The following ALPK1 variants were observed in gnomAD, a reference collection of about 807,000 sequenced individuals.
ALPK1 encodes the protein alpha kinase 1, also known as alpha-protein kinase 1.
A neutral mutation model predicts 120.6 loss-of-function variants in ALPK1; 110 were observed. That is an observed-to-expected ratio of 0.91 (90% CI 0.78 to 1.07). The LOEUF is 1.07. Among genes scored for constraint, ALPK1 ranks in the 50% least tolerant of loss-of-function variants. ALPK1 has a pLI of 0.00. For missense variants in ALPK1, 1,498 were observed against 1,483.9 expected (o/e 1.01, Z -0.16); for synonymous variants, 582 against 560.3 (o/e 1.04, Z -0.55).
At chr4:112,329,179 G>A (rs6822694) in intron 2 of ALPK1, among the ~76,000 whole-genome samples, 33,083 of 152,130 alleles carry the variant, frequency 0.22, 3,808 homozygotes, top group Middle Eastern at 0.31. Context: ...AGGCAGGAAG[G>A]AGGAAAAATC....
chr4:112,348,709 C>G (rs1730199549), intron 2 of ALPK1, among the ~76,000 whole-genome samples: 1 of 152,232 alleles, frequency 6.6e-6, no homozygotes, highest in South Asian at 2.1e-4. Context: ...CTGCCAAGAC[C>G]CATCGGCTGC....
chr4:112,343,943 A>G (rs1232248226), intron 2 of ALPK1, among the ~76,000 whole-genome samples: 1 of 152,208 alleles, frequency 6.6e-6, no homozygotes, highest in African/African-American at 2.4e-5. Flanking sequence ...CAGAGGTCGC[A>G]GGCGAGATTT....
Position 112,376,956 on chromosome 4 carries a change from TGTTA to T in ALPK1, c.-100-719_-100-716del, listed in dbSNP as rs1337545162. ...ATTTGTCAGGCATTTTTTTTTGCGC[TGTTA>T]GTAAGTTATTTCATTCTTGAAATTA... On this transcript the variant is annotated intron_variant, in intron 2 of 15. Coordinates refer to ENST00000650871, the MANE Select transcript of ALPK1 (RefSeq NM_025144.4). 2.6e-5 allele frequency among the ~76,000 whole-genome samples: 4 copies of T among 152,330 alleles called. No individual in the cohort carries two copies. The East Asian group carries it at 5.8e-4, about 22-fold the overall frequency.
At chr4:112,301,177 A>G (rs1727773087) in intron 1 of ALPK1, among the ~76,000 whole-genome samples, 1 of 152,226 alleles carries the variant, frequency 6.6e-6, no homozygotes, top group African/African-American at 2.4e-5. Context: ...ATTACCGAGA[A>G]ATTTTCTTCC....
intron 2 of ALPK1, among the ~76,000 whole-genome samples, chr4:112,368,768 G>C (rs1287279155): frequency 6.6e-6 from 1 of 152,116 alleles, no homozygotes; most frequent in Non-Finnish European, 1.5e-5. Context: ...CAATTTTCCT[G>C]GGAGGTGAGG....
chr4:112,423,964 T>TA lies in ALPK1; in HGVS notation c.497dup (p.Tyr166Ter), dbSNP rs1240065207. The TA allele has an allele frequency of 1.2e-6, 2 of 1,613,972 alleles. No homozygotes were observed. The highest frequency in any genetic ancestry group is 1.7e-4 in the Middle Eastern group (1 of 6,060). ...VNSGKLLKAEYILSSLISNNG... is the reference protein window; with the variant it reads ...VNSGKLLKAE ...TTCAGGAAAACTTTTAAAAGCAGAG[T>TA]ATATTCTGAGCAGTCTAATAAGCAA... Residue 166 changes from tyrosine to a stop codon, truncating the protein, a stop_gained and frameshift_variant, in exon 6 of 16, where the codon TAT becomes TAAT. Coordinates refer to ENST00000650871, the MANE Select transcript of ALPK1 (RefSeq NM_025144.4). LOFTEE classifies it high-confidence loss of function.
intron 2 of ALPK1, among the ~76,000 whole-genome samples, chr4:112,320,137 T>C (rs1464093475): frequency 1.3e-5 from 2 of 152,248 alleles, no homozygotes; most frequent in East Asian, 1.9e-4. Context: ...TCAGGGGGAA[T>C]GCTTTCAACT....
chr4:112,312,462 C>T (rs1296013558), intron 1 of ALPK1, among the ~76,000 whole-genome samples: 3 of 152,122 alleles, frequency 2.0e-5, no homozygotes, highest in African/African-American at 7.2e-5. Flanking sequence ...TTGGTAGAGA[C>T]GGGGTTTCAC....
chr4:112,397,012 G>C (rs1732681529), intron 4 of ALPK1, among the ~76,000 whole-genome samples: 1 of 152,106 alleles, frequency 6.6e-6, no homozygotes. Flanking sequence ...CCTGAGCTCA[G>C]ACAATCCTCC....
At position 112,424,256 on chromosome 4, in the gene ALPK1, T is replaced by C. The variant is rs554337880; in HGVS notation, c.535+253T>C. On this transcript the variant is annotated intron_variant, in intron 6 of 15. Transcript: ENST00000650871. ...TATTGGCCTGCTTCCTTACAGAGTATGCTATCTAATGAACAATCACTGTCA... is the reference window on the plus strand; with the variant it reads ...TATTGGCCTGCTTCCTTACAGAGTACGCTATCTAATGAACAATCACTGTCA... Among the ~76,000 whole-genome samples the C allele has an allele frequency of 6.2e-4, 94 of 151,474 alleles. 1 individual carries two copies. In the Middle Eastern group the frequency reaches 0.031, roughly 50 times the overall value.
chr4:112,347,684 T>C (rs1488835888), intron 2 of ALPK1, among the ~76,000 whole-genome samples: 2 of 152,230 alleles, frequency 1.3e-5, no homozygotes, highest in African/African-American at 2.4e-5. Context: ...ATACCAAATA[T>C]GTATACAACA....
rs1734587563 is a variant in ALPK1 at position 112,432,116 on chromosome 4, C to T, written c.2569C>T (p.Leu857=). ...CTCCACAGTGGATGAGGAGGGGCAACTGCTCGACAGCATGGATGTTCCCTG... is the reference window on the plus strand; with the variant it reads ...CTCCACAGTGGATGAGGAGGGGCAATTGCTCGACAGCATGGATGTTCCCTG... ...DASTVDEEGQ[L]LDSMDVPCTN... Residue 857 remains leucine (L), a synonymous_variant, in exon 11 of 16, where the codon CTG becomes TTG. Coordinates refer to ENST00000650871, the MANE Select transcript of ALPK1 (RefSeq NM_025144.4). 1 of 1,614,102 alleles carries T rather than the reference C, an allele frequency of 6.2e-7. No individual in the cohort carries two copies. The highest frequency in any genetic ancestry group is 1.3e-5 in the African/African-American group (1 of 74,940).
chr4:112,401,103 C>T (rs947770463), intron 4 of ALPK1, among the ~76,000 whole-genome samples: 9 of 152,128 alleles, frequency 5.9e-5, no homozygotes, highest in South Asian at 2.1e-4. Flanking sequence ...GCCATCTGGG[C>T]GTCTGGACTT....
intron 5 of ALPK1, chr4:112,414,241 A>G: frequency 2.1e-6 from 1 of 485,148 alleles, no homozygotes; most frequent in African/African-American, 2.0e-5. Flanking sequence ...CATCTGATCC[A>G]GCGCTTCCTG....
intron 2 of ALPK1, chr4:112,359,369 G>T: frequency 2.7e-6 from 1 of 368,530 alleles, no homozygotes; most frequent in East Asian, 5.7e-5. Flanking sequence ...ACCTGGACAA[G>T]GTGCTGGCCC....
Position 112,441,241 on chromosome 4 carries a change from G to A in ALPK1, c.*31G>A. 2.1e-6 allele frequency: 3 copies of A among 1,435,790 alleles called. No individual in the cohort carries two copies. Among genetic ancestry groups the A allele is most frequent in the Non-Finnish European group, 2.9e-6 (3 of 1,017,596 alleles). The allele number at this position is 1,435,790 out of a possible 1,614,324, so 88.9% of individuals were successfully genotyped here. A position where few individuals can be genotyped will look rare whatever the true frequency, so the allele number is the denominator to read the frequency against. On this transcript the variant is annotated 3_prime_UTR_variant, in exon 16 of 16. Transcript: ENST00000650871. ...GGCACAGTCTGGTCCTTTGGGGCTTGGGCAGGGCCGTGACACAGGTTCTGG... is the reference window on the plus strand; with the variant it reads ...GGCACAGTCTGGTCCTTTGGGGCTTAGGCAGGGCCGTGACACAGGTTCTGG...
At chr4:112,405,012 T>C (rs760893203) in intron 4 of ALPK1, among the ~76,000 whole-genome samples, 20 of 152,324 alleles carry the variant, frequency 1.3e-4, no homozygotes, top group Middle Eastern at 6.8e-3. Flanking sequence ...AAATGCTTCC[T>C]ATGTTCATTT....
intron 3 of ALPK1, among the ~76,000 whole-genome samples, chr4:112,380,697 A>G (rs902789258): frequency 1.3e-5 from 2 of 151,944 alleles, no homozygotes; most frequent in African/African-American, 4.8e-5. Flanking sequence ...TGTCTTTTTT[A>G]TAGATGATAT....
At chr4:112,360,782 C>T (rs1730879371) in intron 2 of ALPK1, among the ~76,000 whole-genome samples, 1 of 152,156 alleles carries the variant, frequency 6.6e-6, no homozygotes, top group Non-Finnish European at 1.5e-5. Flanking sequence ...TACCCTTTTG[C>T]TGTCTTCTTG....
Sources: allele counts gnomAD v4.1 joint callset (sites outside exome capture counted in the v4.1 genomes callset), GRCh38; gene constraint gnomAD v4.1.1; transcripts MANE v1.5; gene names NCBI Gene and HGNC (gene_info 2026-07-23, HGNC 2026-07-21).